The following HYDIN variants were observed in gnomAD, a reference collection of about 807,000 sequenced individuals.
HYDIN encodes HYDIN axonemal central pair apparatus protein, also known as axonemal central pair apparatus protein HYDIN.
Under a neutral mutation model 403.9 loss-of-function variants are expected in HYDIN, and 132 were observed. The ratio of observed to expected loss-of-function variants is 0.33; its 90% CI spans 0.28 to 0.38. The LOEUF is 0.38. HYDIN is among the 10% of genes least tolerant of loss of function. The pLI is 1.00. For synonymous variants in HYDIN, 1,202 were observed against 1,891.7 expected (o/e 0.64, Z 9.46); for missense variants, 2,827 against 5,009.5 (o/e 0.56, Z 13.15).
chr16:71,116,153 C>T (rs2144467987), intron 9 of HYDIN, among the ~76,000 whole-genome samples: 1 of 152,070 alleles, frequency 6.6e-6, no homozygotes, highest in East Asian at 1.9e-4. Context: ...CAACATCTCC[C>T]CATTTCCGCC....
intron 45 of HYDIN, among the ~76,000 whole-genome samples, chr16:70,926,581 T>C (rs2077160866): frequency 6.6e-6 from 1 of 151,854 alleles, no homozygotes. Context: ...CTGCACATTG[T>C]ACACATGTAC....
intron 1 of HYDIN, among the ~76,000 whole-genome samples, chr16:71,187,348 T>C (rs1389689667): frequency 6.6e-6 from 1 of 152,136 alleles, no homozygotes; most frequent in East Asian, 1.9e-4. Context: ...GGACAGAGAT[T>C]CGAAATAGCA....
intron 4 of HYDIN, among the ~76,000 whole-genome samples, chr16:71,176,658 G>A (rs560803130): frequency 2.1e-4 from 32 of 152,306 alleles, no homozygotes; most frequent in African/African-American, 7.2e-4. Flanking sequence ...AAGAGCAGCA[G>A]GAGATCCCCC....
chr16:70,972,582 T>C (rs573067404), intron 35 of HYDIN, among the ~76,000 whole-genome samples: 5 of 149,510 alleles, frequency 3.3e-5, no homozygotes, highest in East Asian at 2.0e-4. Context: ...TAATAGTTAA[T>C]AGTTATTGAG....
At position 70,908,725 on chromosome 16, in the gene HYDIN, C is replaced by A. The variant is rs775914794; in HGVS notation, c.8141G>T (p.Gly2714Val). The A allele has an allele frequency of 6.8e-6, 11 of 1,613,562 alleles. No individual in the cohort carries two copies. The South Asian group carries it at 1.2e-4, about 18-fold the overall frequency. The change falls in exon 48 of 86, where the codon GGA becomes GTA. Residue 2714 changes from glycine (G) to valine (V), a missense_variant. Coordinates refer to ENST00000393567, the MANE Select transcript of HYDIN (RefSeq NM_001270974.2). ...TGTATCTGACAGCTGGGAAATGGTT[C>A]CAGCAGGTTCCCCAGAAAGGACCTT... ...NRKVLSGEPA[G>V]TISQLSDTDL...
intron 10 of HYDIN, among the ~76,000 whole-genome samples, 180 bp from the exon 11 acceptor site, chr16:71,094,115 T>C (rs560980149): frequency 5.1e-4 from 77 of 152,254 alleles, no homozygotes; most frequent in Non-Finnish European, 6.2e-4. Flanking sequence ...CCAATCATAA[T>C]CCTGAATGCC....
intron 18 of HYDIN, among the ~76,000 whole-genome samples, chr16:71,049,985 T>TATATATATATA (rs1292243472): frequency 6.8e-6 from 1 of 147,628 alleles, no homozygotes; most frequent in East Asian, 1.9e-4. Context: ...AGTACAAGAA[T>TATATATATATA]ATATATATAT....
At chr16:71,192,079 G>C (rs138282369) in intron 1 of HYDIN, among the ~76,000 whole-genome samples, 457 of 152,296 alleles carry the variant, frequency 3.0e-3, no homozygotes, top group Non-Finnish European at 4.6e-3. Flanking sequence ...CTGAGGCACA[G>C]AGGAGGTAAG....
chr16:70,997,218 T>C (rs117377124), intron 23 of HYDIN, among the ~76,000 whole-genome samples: 8,256 of 138,092 alleles, frequency 0.06, 283 homozygotes, highest in Non-Finnish European at 0.067. Flanking sequence ...TAAATACAGA[T>C]GAAGCTTCGC....
At chr16:70,919,445 G>A (rs913859476) in intron 46 of HYDIN, among the ~76,000 whole-genome samples, 117 of 151,954 alleles carry the variant, frequency 7.7e-4, no homozygotes, top group African/African-American at 2.7e-3. Flanking sequence ...GGTGCCACCC[G>A]GGACCACTGT....
chr16:71,002,177 T>C (rs1296172438), intron 23 of HYDIN, among the ~76,000 whole-genome samples: 1 of 152,226 alleles, frequency 6.6e-6, no homozygotes, highest in East Asian at 1.9e-4. Context: ...TATCTCTTGA[T>C]GCAGAAAGTT....
At chr16:71,116,169 T>G (rs917000) in intron 9 of HYDIN, among the ~76,000 whole-genome samples, 3 of 136,648 alleles carry the variant, frequency 2.2e-5, no homozygotes, top group African/African-American at 8.1e-5. Context: ...CCGCCCCCAA[T>G]CCCACCCTCT....
At chr16:70,822,615 C>T (rs1435538877) in intron 83 of HYDIN, among the ~76,000 whole-genome samples, 2 of 152,196 alleles carry the variant, frequency 1.3e-5, no homozygotes, top group Admixed American at 6.5e-5. Flanking sequence ...AGTAATTTTT[C>T]ATGAAAGGAA....
At chr16:70,955,114 A>C (rs917448133) in intron 40 of HYDIN, among the ~76,000 whole-genome samples, 11 of 152,196 alleles carry the variant, frequency 7.2e-5, no homozygotes, top group Non-Finnish European at 1.6e-4. Context: ...CAGGTGTCAG[A>C]CTTCCAAAGG....
rs368513191 is a variant in HYDIN, at chr16:70,837,784, C to T, written c.13148G>A (p.Arg4383Gln). Residue 4383 changes from arginine (R) to glutamine (Q), a missense_variant, in exon 77 of 86, where the codon CGA (arginine) becomes CAA (glutamine). Coordinates refer to ENST00000393567, the MANE Select transcript of HYDIN (RefSeq NM_001270974.2). ...GAGTTCTTGATAGTTGATACTTTCT[C>T]GAGGATAAAAAGTTATTGGAATCTC... ...TLEIPITFYP[R>Q]ESINYQELIP... 4.7e-5 allele frequency: 76 copies of T among 1,613,832 alleles called. No homozygotes were observed. The highest frequency in any genetic ancestry group is 6.2e-5 in the Non-Finnish European group (73 of 1,179,820).
chr16:71,116,162 C>G (rs1158908502), intron 9 of HYDIN, among the ~76,000 whole-genome samples: 1 of 151,898 alleles, frequency 6.6e-6, no homozygotes, highest in African/African-American at 2.4e-5. Context: ...CCCATTTCCG[C>G]CCCCAATCCC....
At chr16:71,191,894 G>C (rs1475053205) in intron 1 of HYDIN, among the ~76,000 whole-genome samples, 1 of 152,096 alleles carries the variant, frequency 6.6e-6, no homozygotes, top group Non-Finnish European at 1.5e-5. Flanking sequence ...CATATCCCAA[G>C]TGTAGGCATC....
rs200451927 is a variant in HYDIN, at chr16:71,002,553, TAA to T, written c.3645-10345_3645-10344del. 9.8e-3 allele frequency among the ~76,000 whole-genome samples: 1,428 copies of T among 145,950 alleles called. 23 individuals carry two copies. Among genetic ancestry groups the T allele is most frequent in the African/African-American group, 0.034 (1,349 of 40,190 alleles). ...GACAGCAAAGTGAGACCCTGTCTGT[TAA>T]AAAAAAAAAAAATTCTTCCTTATTC... On this transcript the variant is annotated intron_variant, in intron 23 of 85. Coordinates refer to ENST00000393567, the MANE Select transcript of HYDIN (RefSeq NM_001270974.2).
chr16:70,832,757 G>A (rs1341384842), intron 80 of HYDIN, 91 bp downstream of exon 80: 1 of 964,916 alleles, frequency 1.0e-6, no homozygotes, highest in East Asian at 2.5e-5. Context: ...TGGAGGGAGG[G>A]GGCAGGCCTG....
Sources: allele counts gnomAD v4.1 joint callset (sites outside exome capture counted in the v4.1 genomes callset), GRCh38; gene constraint gnomAD v4.1.1; transcripts MANE v1.5; gene names NCBI Gene and HGNC (gene_info 2026-07-23, HGNC 2026-07-21).